DMD: variants seen among roughly 807,000 people sequenced by gnomAD.
DMD encodes mutant dystrophin.
A neutral mutation model predicts 330.1 loss-of-function variants in DMD; 63 were observed. The observed-to-expected ratio is 0.19, with a 90% CI of 0.16 to 0.24. The LOEUF (loss-of-function observed/expected upper bound fraction) is 0.24. DMD is among the 10% of genes least tolerant of loss of function. DMD has a pLI of 1.00. For synonymous variants in DMD, 1,223 were observed against 959.8 expected, an observed-to-expected ratio of 1.27 and a Z score of -5.07; for missense variants, 3,344 against 2,684.1, an observed-to-expected ratio of 1.25 and a Z score of -5.43.
In DMD at chrX:32,128,552, G is replaced by A. The variant is rs985658607; in HGVS notation, c.6438+88364C>T. Among the ~76,000 whole-genome samples the A allele has an allele frequency of 4.5e-5, 5 of 111,676 alleles. No individual in the cohort carries two copies. In the Admixed American group the frequency reaches 4.8e-4, roughly 11 times the overall value. On this transcript the variant is annotated intron_variant, in intron 44 of 78. Coordinates refer to ENST00000357033, the MANE Select transcript of DMD (RefSeq NM_004006.3). ...AAAGTACCAATTCCCTAAACATAGC[G>A]TTTTATGGTGACTTTTTCAAAATAA...
chrX:32,564,739 T>G (rs1299839512), intron 16 of DMD, among the ~76,000 whole-genome samples: 4 of 111,873 alleles, frequency 3.6e-5, no homozygotes, highest in Non-Finnish European at 7.5e-5. Flanking sequence ...TTAAATTGTA[T>G]TCCTGGAGGC....
chrX:31,293,201 T>TGTGTGTGTGTG (rs1569519848), intron 62 of DMD, among the ~76,000 whole-genome samples: 3 of 50,154 alleles, frequency 6.0e-5, no homozygotes, highest in African/African-American at 5.0e-4. Flanking sequence ...TGTAGTCTGG[T>TGTGTGTGTGTG]TTAGTGTGTG....
chrX:33,254,623 G>A (rs368171356), intron 1 of DMD, among the ~76,000 whole-genome samples: 38 of 110,106 alleles, frequency 3.5e-4, no homozygotes, highest in African/African-American at 1.1e-3. Flanking sequence ...GTGATGATTC[G>A]AAAGAAATAA....
intron 55 of DMD, among the ~76,000 whole-genome samples, chrX:31,539,022 A>T (rs781127630): frequency 8.9e-6 from 1 of 111,862 alleles, no homozygotes; most frequent in Non-Finnish European, 1.9e-5. Flanking sequence ...GTATTCTTAA[A>T]TTTCAGTCTA....
chrX:32,014,870 T>A (rs892055446), intron 44 of DMD, among the ~76,000 whole-genome samples: 2 of 112,236 alleles, frequency 1.8e-5, no homozygotes, highest in Admixed American at 1.9e-4. Flanking sequence ...AGCCTCATAT[T>A]AGTACTACTA....
chrX:31,600,197 C>T (rs1054818513), intron 55 of DMD, among the ~76,000 whole-genome samples: 1 of 112,178 alleles, frequency 8.9e-6, no homozygotes. Context: ...CTTCCCAAAT[C>T]CTTGGGATTA....
At chrX:31,929,856 C>T in intron 46 of DMD, 111 bp from the exon 47 acceptor site, 1 of 890,590 alleles carries the variant, frequency 1.1e-6, no homozygotes, top group Admixed American at 2.4e-5. Context: ...TGACCGAGGG[C>T]CCAGTGGTAC....
intron 9 of DMD, among the ~76,000 whole-genome samples, chrX:32,687,460 T>G (rs1273614853): frequency 8.9e-6 from 1 of 111,768 alleles, no homozygotes; most frequent in African/African-American, 3.2e-5. Context: ...ATGGAAGAAG[T>G]TATACTATGT....
intron 60 of DMD, among the ~76,000 whole-genome samples, chrX:31,392,586 T>C (rs1345545282): frequency 1.8e-5 from 2 of 111,885 alleles, no homozygotes; most frequent in Non-Finnish European, 3.8e-5. Flanking sequence ...TTCCCATTTA[T>C]ATGACTGAAG....
chrX:31,688,068 T>C (rs1259287529), intron 52 of DMD, among the ~76,000 whole-genome samples: 1 of 110,326 alleles, frequency 9.1e-6, no homozygotes, highest in Non-Finnish European at 1.9e-5. Context: ...AGACAGCCTA[T>C]TTGAAAATAC....
At chrX:31,772,308 C>T (rs2090389154) in intron 51 of DMD, among the ~76,000 whole-genome samples, 1 of 111,763 alleles carries the variant, frequency 8.9e-6, no homozygotes, top group African/African-American at 3.3e-5. Flanking sequence ...CTCAGGTAGG[C>T]AGAATAACTT....
intron 57 of DMD, among the ~76,000 whole-genome samples, chrX:31,494,155 CAAA>C (rs753929470): frequency 2.0e-5 from 1 of 49,842 alleles, no homozygotes; most frequent in Non-Finnish European, 3.7e-5. Flanking sequence ...GACCCAGTCT[CAAA>C]AAAAAAAAAA....
intron 11 of DMD, among the ~76,000 whole-genome samples, chrX:32,643,634 T>C (rs1190577260): frequency 9.0e-6 from 1 of 111,705 alleles, no homozygotes; most frequent in African/African-American, 3.2e-5. Context: ...ATTCTTAAGA[T>C]AATTCATAGC....
chrX:31,286,852 C>T (rs1326781028), intron 62 of DMD, among the ~76,000 whole-genome samples: 2 of 112,335 alleles, frequency 1.8e-5, no homozygotes, highest in African/African-American at 6.5e-5. Flanking sequence ...GCAACCTCCG[C>T]CTCCCATGTT....
chrX:33,137,025 A>G (rs1202126738), intron 1 of DMD, among the ~76,000 whole-genome samples: 6 of 110,848 alleles, frequency 5.4e-5, no homozygotes, highest in Non-Finnish European at 9.4e-5. Context: ...ATACATATAT[A>G]TTAAAATTTA....
Position 32,130,247 on chromosome X carries a change from C to T in DMD, c.6438+86669G>A, listed in dbSNP as rs779064476. ...CAGATTATGGCTTTTGCTACATATA[C>T]TTTTGGATTTACAGATCAAGTGTAG... On this transcript the variant is annotated intron_variant, in intron 44 of 78. Transcript: ENST00000357033. Among the ~76,000 whole-genome samples, 58 of 111,750 alleles carry T rather than the reference C, an allele frequency of 5.2e-4. No individual in the cohort carries two copies. In the Admixed American group the frequency reaches 5.5e-3, roughly 11 times the overall value.
At chrX:31,568,300 C>T (rs1251195441) in intron 55 of DMD, among the ~76,000 whole-genome samples, 1 of 111,305 alleles carries the variant, frequency 9.0e-6, no homozygotes, top group Non-Finnish European at 1.9e-5. Context: ...TTGTTCAGTT[C>T]TCTTTACCCT....
At chrX:32,607,126 C>G (rs1260639354) in intron 12 of DMD, among the ~76,000 whole-genome samples, 1 of 109,882 alleles carries the variant, frequency 9.1e-6, no homozygotes, top group Non-Finnish European at 1.9e-5. Context: ...CACATGCACC[C>G]CCTCAATCTA....
intron 36 of DMD, among the ~76,000 whole-genome samples, 195 bp from the exon 37 acceptor site, chrX:32,363,153 G>GA (rs1415605343): frequency 9.0e-6 from 1 of 111,218 alleles, no homozygotes; most frequent in Non-Finnish European, 1.9e-5. Context: ...CATAAAACAG[G>GA]ACTAAAATGA....
Sources: allele counts gnomAD v4.1 joint callset (sites outside exome capture counted in the v4.1 genomes callset), GRCh38; gene constraint gnomAD v4.1.1; transcripts MANE v1.5; gene names NCBI Gene and HGNC (gene_info 2026-07-23, HGNC 2026-07-21).